CDC25B: variants seen among roughly 807,000 people sequenced by gnomAD.
CDC25B encodes the protein cell division cycle 25B, also known as M-phase inducer phosphatase 2.
A neutral mutation model predicts 69.8 loss-of-function variants in CDC25B; 33 were observed. The ratio of observed to expected loss-of-function variants is 0.47; its 90% CI spans 0.36 to 0.63. CDC25B has a LOEUF of 0.63. CDC25B is among the 30% of genes least tolerant of loss of function. The pLI is 0.00. For missense variants in CDC25B, 727 were observed against 809.1 expected (o/e 0.90, Z 1.23); for synonymous variants, 341 against 314.6 (o/e 1.08, Z -0.89).
At chr20:3,787,032 T>TG (rs1049858541) in exon 1 of CDC25B, 2 of 485,520 alleles carry the variant, frequency 4.1e-6, no homozygotes, top group South Asian at 2.5e-5. Context: ...TTTTGTTTGT[T>TG]TTTTTTTTTT....
In CDC25B at chr20:3,803,706, G is replaced by A. The variant is rs2089373177; in HGVS notation, c.1490+169G>A. Reference sequence around the variant, plus strand: ...CCCCACTTCACTGTGCATGGTACCCGCCTCCCATCTCCCTCACTGTCCTGC... The same window carrying A: ...CCCCACTTCACTGTGCATGGTACCCACCTCCCATCTCCCTCACTGTCCTGC... On this transcript the variant is annotated intron_variant, in intron 14 of 15. Coordinates refer to ENST00000245960, the MANE Select transcript of CDC25B (RefSeq NM_021873.4). This position sits in a 1 kb window ranked among gnomAD's most constrained non-coding sequence, Gnocchi z 4.9. 2.6e-5 allele frequency among the ~76,000 whole-genome samples: 4 copies of A among 152,082 alleles called. No homozygotes were observed. Among genetic ancestry groups the A allele is most frequent in the South Asian group, 2.1e-4 (1 of 4,822 alleles).
Position 3,800,346 on chromosome 20 carries a change from C to G in CDC25B, c.422+17C>G. On this transcript the variant is annotated intron_variant, in intron 4 of 15. Coordinates refer to ENST00000245960, the MANE Select transcript of CDC25B (RefSeq NM_021873.4). ...CATTCGAAAGTAAGTGTTCCTGGGCCTCTTCCATCTACCACAAGCTTTCCC... is the reference window on the plus strand; with the variant it reads ...CATTCGAAAGTAAGTGTTCCTGGGCGTCTTCCATCTACCACAAGCTTTCCC... 1 of 1,614,128 alleles carries G rather than the reference C, an allele frequency of 6.2e-7. No individual in the cohort carries two copies. The highest frequency in any genetic ancestry group is 8.5e-7 in the Non-Finnish European group (1 of 1,179,968).
chr20:3,796,627 C>T lies in CDC25B; in HGVS notation c.96C>T (p.Leu32=), dbSNP rs754520112. 6 of 1,457,018 alleles carry T rather than the reference C, an allele frequency of 4.1e-6. No individual in the cohort carries two copies. Among genetic ancestry groups the T allele is most frequent in the Non-Finnish European group, 5.4e-6 (6 of 1,109,056 alleles). 90.3% of individuals were successfully genotyped at this position (1,457,018 alleles called of 1,614,324 possible). A position where few individuals can be genotyped will look rare whatever the true frequency, so the allele number is the denominator to read the frequency against. The change falls in exon 1 of 16, where the codon CTC becomes CTT. Residue 32 remains leucine (L), a synonymous_variant. Transcript: ENST00000245960. The part of the protein sequence containing the change: ...GAQRPGHLPG[L]LLGSHGLLGS... ...AGCGTCCGGGCCACCTCCCGGGCCT[C>T]CTGCTGGGATCTCATGGCCTCCTGG... is the stretch of plus-strand genomic sequence containing the variant.
At chr20:3,800,894 C>G in intron 6 of CDC25B, 29 bp downstream of exon 6, 1 of 1,613,004 alleles carries the variant, frequency 6.2e-7, no homozygotes, top group Non-Finnish European at 8.5e-7. Flanking sequence ...GGGGTGGGAG[C>G]TCTCCGGGAA....
rs2146710083 is a variant in CDC25B, at chr20:3,804,960, G to A, written c.1742G>A (p.Ter581=). 1 of 1,611,650 alleles carries A rather than the reference G, an allele frequency of 6.2e-7. No homozygotes were observed. The highest frequency in any genetic ancestry group is 2.2e-5 in the East Asian group (1 of 44,878). Residue 581 remains the stop codon, a stop_retained_variant, in exon 16 of 16, where the codon TGA becomes TAA. Coordinates refer to ENST00000245960, the MANE Select transcript of CDC25B (RefSeq NM_021873.4). ...RELCSRLQDQ[*] is the part of the protein sequence containing the mutation. ...CTCTGTAGCCGGCTGCAGGACCAGT[G>A]AGGGGCCTGCGCCAGTCCTGCTACC...
At position 3,801,074 on chromosome 20, in the gene CDC25B, G is replaced by C. The variant is rs1361020932; in HGVS notation, c.686G>C (p.Ser229Thr). ...AGGGAAGCCTTTGCCCAGAGACCCA[G>C]CTCGGCCCCCGACCTGATGGTACAT... ...SRREAFAQRP[S>T]SAPDLMCLSP... Residue 229 changes from serine to threonine, a missense_variant, in exon 7 of 16, where the codon AGC (serine) becomes ACC (threonine). This residue lies in a region of CDC25B where 368 missense variants were observed against 345.6 expected (regional missense o/e 1.06). Transcript: ENST00000245960. The C allele has an allele frequency of 6.2e-7, 1 of 1,614,074 alleles. No homozygotes were observed.
rs60482329 is a variant in CDC25B at position 3,799,484 on chromosome 20, CTGTG to C, written c.381-765_381-762del. On this transcript the variant is annotated intron_variant, in intron 3 of 15. Coordinates refer to ENST00000245960, the MANE Select transcript of CDC25B (RefSeq NM_021873.4). ...ACAGTTATACAGAGTTTCTCAGAAG[CTGTG>C]TGTGTGTGTGTGTGTGTGTGTGTGT... 5.9e-3 allele frequency among the ~76,000 whole-genome samples: 781 copies of C among 131,686 alleles called. 7 individuals carry two copies. The highest frequency in any genetic ancestry group is 0.012 in the African/African-American group (401 of 34,152). 86.4% of individuals were successfully genotyped at this position (131,686 alleles called of 152,430 possible). A position where few individuals can be genotyped will look rare whatever the true frequency, so the allele number is the denominator to read the frequency against.
chr20:3,799,337 C>T (rs529238833), intron 3 of CDC25B, among the ~76,000 whole-genome samples: 3 of 152,282 alleles, frequency 2.0e-5, no homozygotes, highest in Admixed American at 6.5e-5. Flanking sequence ...CCCCAAGGCC[C>T]ATGTGCAAGC....
At chr20:3,798,653 A>G (rs369761743) in intron 3 of CDC25B, among the ~76,000 whole-genome samples, 190 bp downstream of exon 3, 32 of 152,258 alleles carry the variant, frequency 2.1e-4, no homozygotes, top group African/African-American at 7.2e-4. Flanking sequence ...TCAGAGAAGG[A>G]TCTGCTCTCA....
chr20:3,804,944 C>T lies in CDC25B; in HGVS notation c.1726C>T (p.Arg576Trp), dbSNP rs369357260. 9.4e-5 allele frequency: 152 copies of T among 1,612,808 alleles called. 1 individual carries two copies. The highest frequency in any genetic ancestry group is 6.8e-4 in the South Asian group (62 of 91,076). Residue 576 changes from arginine to tryptophan, a missense_variant, in exon 16 of 16, where the codon CGG becomes TGG. Transcript: ENST00000245960. ...GCGGAGCCGGCGGGAGCTCTGTAGC[C>T]GGCTGCAGGACCAGTGAGGGGCCTG... The part of the protein sequence containing the change: ...GERSRRELCS[R>W]LQDQ
chr20:3,801,957 T>C lies in CDC25B; in HGVS notation c.955T>C (p.Phe319Leu). 1.9e-6 allele frequency: 3 copies of C among 1,612,562 alleles called. No homozygotes were observed. Among genetic ancestry groups the C allele is most frequent in the Non-Finnish European group, 2.5e-6 (3 of 1,179,334 alleles). The stretch of plus-strand genomic sequence containing the variant: ...CATGTACAGCAAGTGCCAGCGGCTC[T>C]TCCGCTCTCCGTCCATGCCCTGCAG... ...LVMYSKCQRL[F>L]RSPSMPCSVI... The change falls in exon 10 of 16, where the codon TTC becomes CTC. Residue 319 changes from phenylalanine (F) to leucine (L), a missense_variant. Coordinates refer to ENST00000245960, the MANE Select transcript of CDC25B (RefSeq NM_021873.4).
intron 1 of CDC25B, chr20:3,787,229 C>G (rs2088840960): frequency 7.0e-6 from 4 of 573,520 alleles, no homozygotes; most frequent in Non-Finnish European, 1.2e-5. Context: ...TGGCATCAGA[C>G]TGTATAGACT....
upstream of CDC25B, among the ~76,000 whole-genome samples, chr20:3,791,977 G>A (rs1312880921): frequency 1.3e-5 from 2 of 150,668 alleles, no homozygotes; most frequent in South Asian, 2.1e-4. Flanking sequence ...GCAGTGGCAC[G>A]ATCTTGGCTC....
intron 1 of CDC25B, among the ~76,000 whole-genome samples, chr20:3,789,571 A>T (rs959965777): frequency 6.6e-6 from 1 of 152,110 alleles, no homozygotes; most frequent in Non-Finnish European, 1.5e-5. Flanking sequence ...GGGTTTCACC[A>T]TGTTGGCCAG....
rs779917735 is a variant in CDC25B, at chr20:3,801,919, G to A, written c.922-5G>A. 18 of 1,606,276 alleles carry A rather than the reference G, an allele frequency of 1.1e-5. No individual in the cohort carries two copies. Among genetic ancestry groups the A allele is most frequent in the Admixed American group, 5.0e-5 (3 of 59,606 alleles). On this transcript the variant is annotated splice_polypyrimidine_tract_variant and splice_region_variant and intron_variant, in intron 9 of 15. Coordinates refer to ENST00000245960, the MANE Select transcript of CDC25B (RefSeq NM_021873.4). Reference sequence around the variant, plus strand: ...CCCTGATCCCTAACCTGCTGTCCCTGCCAGGACCTCGTCATGTACAGCAAG... The same window carrying A: ...CCCTGATCCCTAACCTGCTGTCCCTACCAGGACCTCGTCATGTACAGCAAG...
In CDC25B at chr20:3,790,735, A is replaced by G. The variant is rs1305152909; in HGVS notation, c.8+3596A>G. On this transcript the variant is annotated intron_variant, in intron 1 of 15. Coordinates refer to the CDC25B transcript ENST00000344256. ...TAGGCGCCAACTACTATACCTGGCTAATTTTTGTATTTTTAGTAGAGACAG... is the reference window on the plus strand; with the variant it reads ...TAGGCGCCAACTACTATACCTGGCTGATTTTTGTATTTTTAGTAGAGACAG... Among the ~76,000 whole-genome samples the G allele has an allele frequency of 4.0e-5, 6 of 151,884 alleles. No homozygotes were observed. In the East Asian group the frequency reaches 1.2e-3, roughly 30 times the overall value.
chr20:3,792,121 C>T (rs868663311), upstream of CDC25B, among the ~76,000 whole-genome samples: 2 of 152,252 alleles, frequency 1.3e-5, no homozygotes, highest in African/African-American at 4.8e-5. Flanking sequence ...ACCATGTTGC[C>T]CAGGCTGATC....
intron 3 of CDC25B, among the ~76,000 whole-genome samples, chr20:3,799,525 T>TGTGCGCGCGC (rs1211874383): frequency 1.5e-5 from 1 of 68,688 alleles, no homozygotes; most frequent in African/African-American, 4.8e-5. Context: ...TGTGTGTGTG[T>TGTGCGCGCGC]GCGCGCGCGC....
At position 3,801,100 on chromosome 20, in the gene CDC25B, C is replaced by G; in HGVS notation, c.705+7C>G. On this transcript the variant is annotated splice_region_variant and intron_variant, in intron 7 of 15. Coordinates refer to ENST00000245960, the MANE Select transcript of CDC25B (RefSeq NM_021873.4). ...CTCGGCCCCCGACCTGATGGTACATCCAGAGAGCGGATCCCTGGGAGGGGC... is the reference window on the plus strand; with the variant it reads ...CTCGGCCCCCGACCTGATGGTACATGCAGAGAGCGGATCCCTGGGAGGGGC... 1 of 1,613,898 alleles carries G rather than the reference C, an allele frequency of 6.2e-7. No homozygotes were observed. Among genetic ancestry groups the G allele is most frequent in the Non-Finnish European group, 8.5e-7 (1 of 1,179,868 alleles).
Sources: gnomAD v4.1 joint callset for allele counts (sites outside exome capture counted in the v4.1 genomes callset) on GRCh38, gnomAD v4.1.1 for gene constraint, gnomAD v4.1.1 regional missense constraint, Gnocchi (gnomAD v3.1) non-coding constraint, MANE v1.5 for transcripts, NCBI Gene and HGNC (gene_info 2026-07-23, HGNC 2026-07-21) for gene names.